Variants in NCMAP observed in about 807,000 individuals in gnomAD.
The protein encoded by NCMAP is noncompact myelin-associated protein.
In NCMAP, 8 loss-of-function variants were observed where a neutral mutation model predicts 7.8. That is an observed-to-expected ratio of 1.02 (90% CI 0.60 to 1.84). The LOEUF is 1.84. NCMAP is among the 40% of genes most tolerant of loss of function. The pLI is 0.00. For synonymous variants in NCMAP, 41 were observed against 52.9 expected (o/e 0.78, Z 0.98); for missense variants, 112 against 131.4 (o/e 0.85, Z 0.72).
chr1:24,597,214 A>T (rs994900269), intron 2 of NCMAP, among the ~76,000 whole-genome samples: 1 of 152,000 alleles, frequency 6.6e-6, no homozygotes, highest in African/African-American at 2.4e-5. Context: ...AACTGAAAGT[A>T]GTGGTTCTTG....
Position 24,580,599 on chromosome 1 carries a change from C to T in NCMAP, c.-7-14825C>T, listed in dbSNP as rs545737243. Reference sequence around the variant, plus strand: ...CTGAGTAGCTGGGACTACAGGCATGCACCACCACACCTGGCTAATTTTTGT... The same window carrying T: ...CTGAGTAGCTGGGACTACAGGCATGTACCACCACACCTGGCTAATTTTTGT... On this transcript the variant is annotated intron_variant, in intron 1 of 3. Coordinates refer to ENST00000374392, the MANE Select transcript of NCMAP (RefSeq NM_001010980.5). Among the ~76,000 whole-genome samples, 111 of 152,236 alleles carry T rather than the reference C, an allele frequency of 7.3e-4. No individual in the cohort carries two copies. The South Asian group carries it at 0.011, about 15-fold the overall frequency.
At chr1:24,585,883 G>A (rs143587159) in intron 1 of NCMAP, among the ~76,000 whole-genome samples, 50 of 152,276 alleles carry the variant, frequency 3.3e-4, no homozygotes, top group African/African-American at 1.1e-3. Flanking sequence ...GGACACCAGC[G>A]TTCATGGTCT....
At chr1:24,578,405 C>T (rs1651650721) in intron 1 of NCMAP, among the ~76,000 whole-genome samples, 1 of 145,530 alleles carries the variant, frequency 6.9e-6, no homozygotes, top group Non-Finnish European at 1.5e-5. Context: ...GATCCTGGGA[C>T]ACGGAGTTGC....
chr1:24,568,149 C>G (rs1370718435), intron 1 of NCMAP, among the ~76,000 whole-genome samples: 1 of 152,068 alleles, frequency 6.6e-6, no homozygotes, highest in Non-Finnish European at 1.5e-5. Context: ...GCCTCCCTCT[C>G]AGGCTGTGGT....
intron 2 of NCMAP, among the ~76,000 whole-genome samples, chr1:24,597,412 G>A (rs1348172371): frequency 2.0e-5 from 3 of 150,140 alleles, no homozygotes; most frequent in African/African-American, 7.4e-5. Context: ...GCTGAGGCAT[G>A]AGAATCGCCT....
At chr1:24,604,727 A>G (rs1371791443) in intron 3 of NCMAP, among the ~76,000 whole-genome samples, 1 of 141,582 alleles carries the variant, frequency 7.1e-6, no homozygotes, top group African/African-American at 2.6e-5. Flanking sequence ...CACACCTGCA[A>G]TCCCAGCACT....
At chr1:24,558,006 C>A (rs915444499) in intron 1 of NCMAP, among the ~76,000 whole-genome samples, 1 of 152,174 alleles carries the variant, frequency 6.6e-6, no homozygotes, top group African/African-American at 2.4e-5. Context: ...GGAGCTGTGT[C>A]CTTGAGGTAG....
At chr1:24,595,931 T>C (rs1399061085) in intron 2 of NCMAP, among the ~76,000 whole-genome samples, 1 of 141,892 alleles carries the variant, frequency 7.0e-6, no homozygotes. Flanking sequence ...ATAATCCAGG[T>C]TGACAGTTTA....
At chr1:24,588,206 C>T (rs1651947332) in intron 1 of NCMAP, among the ~76,000 whole-genome samples, 1 of 152,076 alleles carries the variant, frequency 6.6e-6, no homozygotes, top group Non-Finnish European at 1.5e-5. Flanking sequence ...CTCAGCCTCC[C>T]GAGTAGCTAT....
At chr1:24,582,468 G>A (rs3924436) in intron 1 of NCMAP, among the ~76,000 whole-genome samples, 60,309 of 151,990 alleles carry the variant, frequency 0.4, 12,108 homozygotes, top group South Asian at 0.42. Flanking sequence ...CAATGTCATC[G>A]TAAGGTTCTT....
At chr1:24,567,754 A>G (rs542802251) in intron 1 of NCMAP, among the ~76,000 whole-genome samples, 3 of 152,172 alleles carry the variant, frequency 2.0e-5, no homozygotes, top group Non-Finnish European at 4.4e-5. Flanking sequence ...TTTCTAGTTC[A>G]TGGAGGAGGG....
intron 1 of NCMAP, chr1:24,563,859 G>T (rs1353124527): frequency 1.3e-5 from 2 of 152,192 alleles, no homozygotes; most frequent in Non-Finnish European, 2.9e-5. Context: ...CCCCAGCAGG[G>T]CTCTTAACCC....
At position 24,609,089 on chromosome 1, in the gene NCMAP, A is replaced by T. The variant is rs1185126452; in HGVS notation, c.*3342A>T. Reference sequence around the variant, plus strand: ...TTGACTAATGAAGATGATTCAATAAACATCCTGTAAGAAGGGTTCCTATGT... The same window carrying T: ...TTGACTAATGAAGATGATTCAATAATCATCCTGTAAGAAGGGTTCCTATGT... On this transcript the variant is annotated 3_prime_UTR_variant, in exon 4 of 4. Coordinates refer to ENST00000374392, the MANE Select transcript of NCMAP (RefSeq NM_001010980.5). 6.6e-6 allele frequency: 1 copy of T among 152,196 alleles called. No individual in the cohort carries two copies. The highest frequency in any genetic ancestry group is 1.5e-5 in the Non-Finnish European group (1 of 68,038). The allele number at this position is 152,196 out of a possible 1,614,324, so 9.4% of individuals were successfully genotyped here.
intron 3 of NCMAP, among the ~76,000 whole-genome samples, chr1:24,604,584 A>C (rs1652621155): frequency 1.9e-5 from 1 of 51,470 alleles, no homozygotes; most frequent in Non-Finnish European, 3.2e-5. Context: ...AAAAAAAAAA[A>C]AAAAAAAAAA....
At position 24,605,830 on chromosome 1, in the gene NCMAP, A is replaced by C; in HGVS notation, c.*83A>C. 2 of 1,516,286 alleles carry C rather than the reference A, an allele frequency of 1.3e-6. No homozygotes were observed. Among genetic ancestry groups the C allele is most frequent in the South Asian group, 2.4e-5 (2 of 85,088 alleles). 93.9% of individuals were successfully genotyped at this position (1,516,286 alleles called of 1,614,324 possible). Reference sequence around the variant, plus strand: ...CAGAGGCACACTCTCTGGCAGCTTCACAATGAGCTTCTTCTGGTCAGGTCG... The same window carrying C: ...CAGAGGCACACTCTCTGGCAGCTTCCCAATGAGCTTCTTCTGGTCAGGTCG... On this transcript the variant is annotated 3_prime_UTR_variant, in exon 4 of 4. Coordinates refer to ENST00000374392, the MANE Select transcript of NCMAP (RefSeq NM_001010980.5).
intron 1 of NCMAP, among the ~76,000 whole-genome samples, chr1:24,570,530 G>A (rs756776862): frequency 1.3e-5 from 2 of 150,774 alleles, no homozygotes; most frequent in Non-Finnish European, 2.9e-5. Context: ...GTACTTAACA[G>A]GGGGCTTAGC....
intron 1 of NCMAP, among the ~76,000 whole-genome samples, chr1:24,578,560 C>CTTTCTTTTTT (rs1651657143): frequency 1.9e-5 from 2 of 107,378 alleles, no homozygotes; most frequent in African/African-American, 4.3e-5. Flanking sequence ...TTCTTTCTTT[C>CTTTCTTTTTT]TTTTTTTTTT....
chr1:24,600,616 T>C (rs976707816), intron 2 of NCMAP, among the ~76,000 whole-genome samples: 1 of 152,240 alleles, frequency 6.6e-6, no homozygotes, highest in Non-Finnish European at 1.5e-5. Context: ...ACTTTTGCAT[T>C]ATCAAAAGGA....
intron 2 of NCMAP, among the ~76,000 whole-genome samples, chr1:24,596,534 T>G (rs912310579): frequency 6.6e-6 from 1 of 151,736 alleles, no homozygotes; most frequent in Non-Finnish European, 1.5e-5. Context: ...AATACCAAAA[T>G]TAGCCAGGCA....
Sources: gnomAD v4.1 joint callset for allele counts (sites outside exome capture counted in the v4.1 genomes callset) on GRCh38, gnomAD v4.1.1 for gene constraint, MANE v1.5 for transcripts, NCBI Gene and HGNC (gene_info 2026-07-23, HGNC 2026-07-21) for gene names.